B3GALT1: variants seen among roughly 807,000 people sequenced by gnomAD.
B3GALT1 encodes the protein UDP-Gal:betaGlcNAc beta 1,3-galactosyltransferase, polypeptide 1.
A neutral mutation model predicts 23.2 loss-of-function variants in B3GALT1; 10 were observed. The observed-to-expected ratio is 0.43, with a 90% CI of 0.27 to 0.73. The LOEUF is 0.73. B3GALT1 is among the 30% of genes least tolerant of loss of function. The pLI is 0.21. For missense variants in B3GALT1, 299 were observed against 405.4 expected, an observed-to-expected ratio of 0.74 and a Z score of 2.25; for synonymous variants, 156 against 141.5, an observed-to-expected ratio of 1.10 and a Z score of -0.73.
At chr2:167,703,365 C>T (rs923026429) in intron 3 of B3GALT1, among the ~76,000 whole-genome samples, 5 of 152,112 alleles carry the variant, frequency 3.3e-5, no homozygotes, top group South Asian at 2.1e-4. Flanking sequence ...GTAGGGGCAC[C>T]GACTTCCATG....
At chr2:167,443,465 C>T (rs1033579347) in intron 1 of B3GALT1, among the ~76,000 whole-genome samples, 2 of 152,180 alleles carry the variant, frequency 1.3e-5, no homozygotes, top group South Asian at 4.1e-4. Flanking sequence ...TTACCTTGGG[C>T]AGTATGGCCA....
intron 4 of B3GALT1, among the ~76,000 whole-genome samples, chr2:167,838,368 A>G (rs1689541834): frequency 6.6e-6 from 1 of 152,290 alleles, no homozygotes; most frequent in African/African-American, 2.4e-5. Flanking sequence ...CCACAGAAAT[A>G]CAAACTACCA....
At chr2:167,713,612 A>G in intron 3 of B3GALT1, 2 of 1,058,488 alleles carry the variant, frequency 1.9e-6, no homozygotes, top group Non-Finnish European at 2.8e-6. Flanking sequence ...TAAACTGAAA[A>G]TGAGATCAGT....
intron 1 of B3GALT1, among the ~76,000 whole-genome samples, chr2:167,413,711 C>G (rs569897864): frequency 5.1e-4 from 77 of 151,900 alleles, no homozygotes; most frequent in African/African-American, 1.8e-3. Context: ...TATCCTTTTT[C>G]ATTATATTAA....
rs775987464 is a variant in B3GALT1 at position 167,870,028 on chromosome 2, A to G, written c.*8A>G. 1.3e-6 allele frequency: 2 copies of G among 1,579,264 alleles called. No homozygotes were observed. The highest frequency in any genetic ancestry group is 2.7e-5 in the African/African-American group (2 of 73,654). ...AAACATCTCAGATGTTAGGATTTTTACCAATGTAAATATGTTTCTTTTCTT... is the reference window on the plus strand; with the variant it reads ...AAACATCTCAGATGTTAGGATTTTTGCCAATGTAAATATGTTTCTTTTCTT... On this transcript the variant is annotated 3_prime_UTR_variant, in exon 5 of 5. Coordinates refer to ENST00000392690, the MANE Select transcript of B3GALT1 (RefSeq NM_020981.4).
At chr2:167,825,437 GGTGTGTGTGTGTGTGT>G (rs111721100) in intron 4 of B3GALT1, among the ~76,000 whole-genome samples, 1 of 144,574 alleles carries the variant, frequency 6.9e-6, no homozygotes, top group East Asian at 2.0e-4. Context: ...TATATGCAGG[GGTGTGTGTGTGTGTGT>G]GTGCGTGCAC....
chr2:167,341,176 C>G (rs1697140894), intron 1 of B3GALT1, among the ~76,000 whole-genome samples: 1 of 152,086 alleles, frequency 6.6e-6, no homozygotes, highest in Non-Finnish European at 1.5e-5. Context: ...ATGATTTAGA[C>G]TATGGAAACA....
chr2:167,482,256 T>C (rs968750978), intron 1 of B3GALT1, among the ~76,000 whole-genome samples: 44 of 152,220 alleles, frequency 2.9e-4, no homozygotes, highest in African/African-American at 1.0e-3. Flanking sequence ...AAGAGATGAA[T>C]CATATTTTTT....
chr2:167,393,169 G>C (rs968348077), intron 1 of B3GALT1, among the ~76,000 whole-genome samples: 1 of 151,706 alleles, frequency 6.6e-6, no homozygotes, highest in Non-Finnish European at 1.5e-5. Context: ...GGGAGGCGGA[G>C]CTTGCAGTGA....
At chr2:167,372,733 A>G (rs1305693173) in intron 1 of B3GALT1, among the ~76,000 whole-genome samples, 2 of 152,100 alleles carry the variant, frequency 1.3e-5, no homozygotes, top group Non-Finnish European at 2.9e-5. Context: ...TTATAATAAT[A>G]TCAAAGCAAA....
intron 1 of B3GALT1, among the ~76,000 whole-genome samples, chr2:167,378,774 G>T (rs1426501494): frequency 6.6e-6 from 1 of 152,016 alleles, no homozygotes; most frequent in Non-Finnish European, 1.5e-5. Context: ...GGATGTCATT[G>T]AGCTTCCTTG....
chr2:167,842,017 A>C (rs1689661845), intron 4 of B3GALT1, among the ~76,000 whole-genome samples: 1 of 152,232 alleles, frequency 6.6e-6, no homozygotes, highest in South Asian at 2.1e-4. Context: ...CATAAATATT[A>C]ATAAAGCTGG....
intron 3 of B3GALT1, among the ~76,000 whole-genome samples, chr2:167,809,110 C>G (rs1431687231): frequency 6.6e-6 from 1 of 152,164 alleles, no homozygotes; most frequent in Non-Finnish European, 1.5e-5. Context: ...TCACGTAGTC[C>G]TCGTGCCTTG....
At chr2:167,472,324 G>GCTAT (rs1699428496) in intron 1 of B3GALT1, among the ~76,000 whole-genome samples, 1 of 152,112 alleles carries the variant, frequency 6.6e-6, no homozygotes, top group Non-Finnish European at 1.5e-5. Flanking sequence ...GGAGGTGGGG[G>GCTAT]CTATTAACAA....
intron 1 of B3GALT1, among the ~76,000 whole-genome samples, chr2:167,450,769 A>G (rs1053425807): frequency 1.3e-5 from 2 of 152,186 alleles, no homozygotes; most frequent in Non-Finnish European, 2.9e-5. Context: ...GTTTTCCTCA[A>G]TTATTCCCCC....
At chr2:167,798,923 G>A (rs1455294676) in intron 3 of B3GALT1, among the ~76,000 whole-genome samples, 2 of 152,120 alleles carry the variant, frequency 1.3e-5, no homozygotes, top group Non-Finnish European at 2.9e-5. Context: ...TTGTCTTCTT[G>A]AGGGTATGAC....
At chr2:167,587,892 A>G (rs1286268821) in intron 2 of B3GALT1, among the ~76,000 whole-genome samples, 2 of 152,208 alleles carry the variant, frequency 1.3e-5, no homozygotes, top group Non-Finnish European at 2.9e-5. Flanking sequence ...AGTCTTAACT[A>G]ATTATTTTAC....
At chr2:167,786,598 TC>T (rs1688348739) in intron 3 of B3GALT1, among the ~76,000 whole-genome samples, 1 of 152,224 alleles carries the variant, frequency 6.6e-6, no homozygotes. Context: ...ACCCACTGTA[TC>T]TTTATTCCTT....
At chr2:167,396,532 ATATGTGTGTGTGTG>A (rs1038844462) in intron 1 of B3GALT1, among the ~76,000 whole-genome samples, 10 of 79,624 alleles carry the variant, frequency 1.3e-4, no homozygotes, top group East Asian at 8.0e-4. Context: ...ATATATATAT[ATATGTGTGTGTGTG>A]TGTGTGTGTG....
Sources: gnomAD v4.1 joint callset for allele counts (sites outside exome capture counted in the v4.1 genomes callset) on GRCh38, gnomAD v4.1.1 for gene constraint, MANE v1.5 for transcripts, NCBI Gene and HGNC (gene_info 2026-07-23, HGNC 2026-07-21) for gene names.